The following ADARB1 variants were observed in gnomAD, a reference collection of about 807,000 sequenced individuals.
ADARB1 encodes the protein adenosine deaminase RNA specific B1.
ADARB1 carries 10 observed loss-of-function variants against 52.4 expected under a neutral mutation model. The ratio of observed to expected loss-of-function variants is 0.19; its 90% CI spans 0.12 to 0.32. The LOEUF is 0.32. Among genes scored for constraint, ADARB1 ranks in the 10% least tolerant of loss-of-function variants. The pLI, the probability that ADARB1 is intolerant of heterozygous loss-of-function variation, is 1.00. For missense variants in ADARB1, 643 were observed against 922.3 expected (o/e 0.70, Z 3.92); for synonymous variants, 349 against 371.1 (o/e 0.94, Z 0.68).
At chr21:45,135,864 C>G (rs1277146832) in intron 2 of ADARB1, among the ~76,000 whole-genome samples, 3 of 152,214 alleles carry the variant, frequency 2.0e-5, no homozygotes, top group Non-Finnish European at 2.9e-5. Context: ...TGCTGCCCCT[C>G]ACCCTCCCCG....
chr21:45,199,130 C>G (rs1569157108), intron 8 of ADARB1, among the ~76,000 whole-genome samples: 1 of 152,172 alleles, frequency 6.6e-6, no homozygotes. Flanking sequence ...TTGTCTCTCT[C>G]ACAGAAAATT....
intron 2 of ADARB1, chr21:45,133,693 G>T (rs538969115): frequency 3.6e-6 from 1 of 280,648 alleles, no homozygotes; most frequent in Non-Finnish European, 7.0e-6. Context: ...GTGTGTGCCC[G>T]ACGGTGTGTG....
At chr21:45,185,778 G>A (rs1294228138) in intron 8 of ADARB1, among the ~76,000 whole-genome samples, 3 of 152,194 alleles carry the variant, frequency 2.0e-5, no homozygotes, top group African/African-American at 4.8e-5. Context: ...TAAGCAGATG[G>A]CAAAAAGCAT....
chr21:45,136,563 T>C (rs1232142668), intron 2 of ADARB1, among the ~76,000 whole-genome samples: 2 of 152,254 alleles, frequency 1.3e-5, no homozygotes, highest in East Asian at 1.9e-4. Context: ...AAACATGTAC[T>C]GAGCCCCTGT....
At chr21:45,105,317 T>C (rs576952988) in intron 1 of ADARB1, among the ~76,000 whole-genome samples, 1 of 152,346 alleles carries the variant, frequency 6.6e-6, no homozygotes, top group East Asian at 1.9e-4. Context: ...GCTAGGCTGG[T>C]CTTGAACTCC....
intron 2 of ADARB1, among the ~76,000 whole-genome samples, chr21:45,140,708 T>C (rs768414215): frequency 5.3e-5 from 8 of 152,232 alleles, no homozygotes; most frequent in Non-Finnish European, 1.2e-4. Context: ...GTTCCCTGGC[T>C]TCATTTTTAC....
At chr21:45,209,348 G>A (rs1455238882) in intron 9 of ADARB1, among the ~76,000 whole-genome samples, 1 of 152,196 alleles carries the variant, frequency 6.6e-6, no homozygotes, top group Non-Finnish European at 1.5e-5. Flanking sequence ...TCTGTAGCCA[G>A]TGCTCCTGCC....
intron 2 of ADARB1, among the ~76,000 whole-genome samples, chr21:45,146,571 G>A (rs920598693): frequency 6.6e-6 from 1 of 152,180 alleles, no homozygotes; most frequent in Admixed American, 6.5e-5. Flanking sequence ...GGTGGATGTG[G>A]GGGTAAACTA....
intron 9 of ADARB1, among the ~76,000 whole-genome samples, chr21:45,206,806 T>G (rs527497049): frequency 6.6e-6 from 1 of 152,174 alleles, no homozygotes; most frequent in Non-Finnish European, 1.5e-5. Context: ...ATTCCTGACC[T>G]CAGGTGATCT....
intron 9 of ADARB1, among the ~76,000 whole-genome samples, chr21:45,217,468 C>A (rs541213641): frequency 4.7e-4 from 72 of 152,168 alleles, no homozygotes; most frequent in Non-Finnish European, 8.1e-4. Context: ...AGTAAAAGAA[C>A]CTTACAACAG....
intron 1 of ADARB1, among the ~76,000 whole-genome samples, chr21:45,110,181 C>T (rs1601386577): frequency 6.6e-6 from 1 of 152,222 alleles, no homozygotes; most frequent in Admixed American, 6.5e-5. Context: ...ACTCTTTCCT[C>T]TGCATAATTT....
chr21:45,213,836 T>G (rs746674398), intron 9 of ADARB1, among the ~76,000 whole-genome samples: 2 of 152,234 alleles, frequency 1.3e-5, no homozygotes, highest in Non-Finnish European at 2.9e-5. Context: ...CTTTTAATAT[T>G]ATAAAGCTGC....
Position 45,224,816 on chromosome 21 carries a change from TAAACA to T in ADARB1, c.*2623_*2627del, listed in dbSNP as rs2093035969. 4 of 984,950 alleles carry T rather than the reference TAAACA, an allele frequency of 4.1e-6. No homozygotes were observed. Among genetic ancestry groups the T allele is most frequent in the Non-Finnish European group, 4.8e-6 (4 of 829,774 alleles). 61.0% of individuals were successfully genotyped at this position (984,950 alleles called of 1,614,324 possible). On this transcript the variant is annotated 3_prime_UTR_variant, in exon 11 of 11. Coordinates refer to ENST00000348831, the MANE Select transcript of ADARB1 (RefSeq NM_001112.4). ...AGCTCATCTGTAATCAGAAAAAAAA[TAAACA>T]AAATACAGAACGCTGACTCCTCCGT...
In ADARB1 at chr21:45,172,101, G is replaced by A. The variant is rs1393824672; in HGVS notation, c.28+417G>A. ...AGAAATATTTCCCTTCAAAATGCAG[G>A]TTCTCGCTGCATTTTGAAGGAAGGG... On this transcript the variant is annotated intron_variant, in intron 3 of 10. Coordinates refer to ENST00000348831, the MANE Select transcript of ADARB1 (RefSeq NM_001112.4). The surrounding 1 kb of genome is among the most constrained non-coding windows in gnomAD (Gnocchi z 4.4). Among the ~76,000 whole-genome samples, 1 of 152,120 alleles carries A rather than the reference G, an allele frequency of 6.6e-6. No individual in the cohort carries two copies. Among genetic ancestry groups the A allele is most frequent in the Admixed American group, 6.5e-5 (1 of 15,276 alleles).
intron 2 of ADARB1, among the ~76,000 whole-genome samples, chr21:45,151,172 A>G (rs2090265124): frequency 6.6e-6 from 1 of 152,088 alleles, no homozygotes; most frequent in Non-Finnish European, 1.5e-5. Flanking sequence ...GTGGTGTAGA[A>G]CTACAAAGTG....
At chr21:45,184,545 C>A in intron 7 of ADARB1, 1 of 365,540 alleles carries the variant, frequency 2.7e-6, no homozygotes, top group Non-Finnish European at 5.5e-6. Context: ...ACCTCCTGGG[C>A]TCTTAAGCGA....
At chr21:45,179,500 T>G (rs1269965153) in intron 4 of ADARB1, among the ~76,000 whole-genome samples, 2 of 152,220 alleles carry the variant, frequency 1.3e-5, no homozygotes, top group Non-Finnish European at 2.9e-5. Context: ...CAAAATGCCA[T>G]GGGCTCATTA....
At chr21:45,185,545 C>G (rs954517763) in intron 8 of ADARB1, among the ~76,000 whole-genome samples, 2 of 152,132 alleles carry the variant, frequency 1.3e-5, no homozygotes, top group Non-Finnish European at 2.9e-5. Context: ...GTTCTAAGCA[C>G]AGAGAGCATC....
At chr21:45,130,496 G>A (rs750956833) in intron 2 of ADARB1, among the ~76,000 whole-genome samples, 5 of 152,196 alleles carry the variant, frequency 3.3e-5, no homozygotes, top group African/African-American at 9.7e-5. Context: ...AATAGAAATC[G>A]TGTATTTCCT....
Sources: gnomAD v4.1 joint callset for allele counts (sites outside exome capture counted in the v4.1 genomes callset) on GRCh38, gnomAD v4.1.1 for gene constraint, Gnocchi (gnomAD v3.1) non-coding constraint, MANE v1.5 for transcripts, NCBI Gene and HGNC (gene_info 2026-07-23, HGNC 2026-07-21) for gene names.